The following IGF1R variants were observed in gnomAD, a reference collection of about 807,000 sequenced individuals.
IGF1R encodes the protein insulin-like growth factor 1 receptor.
Under a neutral mutation model 144.6 loss-of-function variants are expected in IGF1R, and 44 were observed. That is an observed-to-expected ratio of 0.30 (90% CI 0.24 to 0.39). The LOEUF (loss-of-function observed/expected upper bound fraction) is 0.39. Ranked by LOEUF, IGF1R falls within the 10% of genes least tolerant of loss-of-function variation. The pLI, the probability that IGF1R is intolerant of heterozygous loss-of-function variation, is 1.00. For synonymous variants in IGF1R, 795 were observed against 722.8 expected (o/e 1.10, Z -1.60); for missense variants, 1,355 against 1,833.7 (o/e 0.74, Z 4.77).
intron 2 of IGF1R, among the ~76,000 whole-genome samples, chr15:98,815,463 C>T (rs950536137): frequency 1.3e-5 from 2 of 152,214 alleles, no homozygotes; most frequent in East Asian, 1.9e-4. Context: ...TTGTGTATGC[C>T]GGGCTGGGCC....
At chr15:98,734,948 A>G (rs2054578506) in intron 2 of IGF1R, among the ~76,000 whole-genome samples, 1 of 152,116 alleles carries the variant, frequency 6.6e-6, no homozygotes, top group Non-Finnish European at 1.5e-5. Flanking sequence ...CTATCACTCT[A>G]CTTTCAGTTT....
intron 17 of IGF1R, among the ~76,000 whole-genome samples, 183 bp from the exon 18 acceptor site, chr15:98,939,018 G>A (rs1258690628): frequency 2.0e-5 from 3 of 152,170 alleles, no homozygotes; most frequent in Admixed American, 6.5e-5. Context: ...ATAAGCTTGC[G>A]GGGAGCAAGC....
At chr15:98,683,853 G>C (rs1468603220) in intron 1 of IGF1R, among the ~76,000 whole-genome samples, 1 of 152,142 alleles carries the variant, frequency 6.6e-6, no homozygotes, top group African/African-American at 2.4e-5. Flanking sequence ...AATTTTTTCT[G>C]ATCTCTAAGA....
intron 2 of IGF1R, among the ~76,000 whole-genome samples, chr15:98,708,468 T>A (rs2053919319): frequency 1.3e-5 from 2 of 152,252 alleles, no homozygotes; most frequent in African/African-American, 4.8e-5. Flanking sequence ...TGGAAGTCCC[T>A]GAGCCTTGGC....
intron 2 of IGF1R, among the ~76,000 whole-genome samples, chr15:98,774,150 C>G (rs189705183): frequency 4.5e-4 from 69 of 152,298 alleles, no homozygotes; most frequent in Non-Finnish European, 2.5e-4. Flanking sequence ...GGGGGACATT[C>G]ACTGAAGCTT....
chr15:98,917,654 A>G (rs1181153180), intron 10 of IGF1R, among the ~76,000 whole-genome samples: 1 of 152,246 alleles, frequency 6.6e-6, no homozygotes, highest in African/African-American at 2.4e-5. Context: ...CAGCCATAAA[A>G]AGGGAGGAAA....
chr15:98,711,414 C>A (rs2053989769), intron 2 of IGF1R, among the ~76,000 whole-genome samples: 2 of 152,190 alleles, frequency 1.3e-5, no homozygotes. Context: ...TAAACTCCTT[C>A]TGTGCCGTGA....
rs1463055918 is a variant in IGF1R, at chr15:98,963,339, T to TA, written c.*5899dup. ...CCCCCATGCTTTTTGCCCTAGTTTA[T>TA]AACAAAGGAATGATGATGATTTAAA... On this transcript the variant is annotated 3_prime_UTR_variant, in exon 21 of 21. Transcript: ENST00000650285. 6.4e-5 allele frequency: 15 copies of TA among 233,438 alleles called. No individual in the cohort carries two copies. Among genetic ancestry groups the TA allele is most frequent in the Non-Finnish European group, 1.0e-4 (12 of 118,012 alleles). 14.5% of individuals were successfully genotyped at this position (233,438 alleles called of 1,614,324 possible).
chr15:98,747,371 T>C (rs949714276), intron 2 of IGF1R, among the ~76,000 whole-genome samples: 2 of 152,176 alleles, frequency 1.3e-5, no homozygotes, highest in African/African-American at 4.8e-5. Flanking sequence ...TAATTTTCTG[T>C]ATTTTTAGTA....
intron 1 of IGF1R, among the ~76,000 whole-genome samples, chr15:98,703,406 G>A (rs2053784030): frequency 6.6e-6 from 1 of 152,020 alleles, no homozygotes; most frequent in Non-Finnish European, 1.5e-5. Context: ...TGTGGCTTGC[G>A]CCTCCTGAAC....
intron 5 of IGF1R, among the ~76,000 whole-genome samples, chr15:98,904,588 G>A (rs1270201045): frequency 6.6e-6 from 1 of 152,124 alleles, no homozygotes; most frequent in Non-Finnish European, 1.5e-5. Context: ...TCTGCAGAAA[G>A]GCAAAAAAGG....
intron 2 of IGF1R, chr15:98,873,999 T>A (rs938306982): frequency 6.6e-6 from 1 of 152,218 alleles, no homozygotes; most frequent in Non-Finnish European, 1.5e-5. Flanking sequence ...ATTTCGAGCA[T>A]GACTGAGCTT....
Position 98,911,375 on chromosome 15 carries a change from C to G in IGF1R, c.1523C>G (p.Thr508Ser). The change falls in exon 7 of 21, where the codon ACC becomes AGC. Residue 508 changes from threonine to serine, a missense_variant. Physicochemically the swap from Thr to Ser is moderately conservative, Grantham distance 58 (BLOSUM62 1). Around this residue, in one of 7 missense-constraint regions of IGF1R, gnomAD observed 880 missense variants for 1,202.7 expected, o/e 0.73. Transcript: ENST00000650285. ...ACGTCGAAGAATCGCATCATCATAACCTGGCACCGGTACCGGCCCCCTGAC... is the reference window on the plus strand; with the variant it reads ...ACGTCGAAGAATCGCATCATCATAAGCTGGCACCGGTACCGGCCCCCTGAC... The part of the protein sequence containing the change: ...TTTSKNRIII[T>S]WHRYRPPDYR... 6.2e-7 allele frequency: 1 copy of G among 1,614,226 alleles called. No individual in the cohort carries two copies. The highest frequency in any genetic ancestry group is 8.5e-7 in the Non-Finnish European group (1 of 1,180,034).
intron 2 of IGF1R, among the ~76,000 whole-genome samples, chr15:98,833,896 G>A (rs960353896): frequency 5.9e-5 from 9 of 152,012 alleles, no homozygotes; most frequent in African/African-American, 2.2e-4. Context: ...GCATAGTCAG[G>A]GTCCTCAAAT....
At position 98,942,433 on chromosome 15, in the gene IGF1R, A is replaced by G. The variant is rs563827481; in HGVS notation, c.3458-490A>G. ...ACTGCAGCCTCAACCTCCAGGGCTC[A>G]AGTGATTCTTCCACCTTAGCCTCCC... is the stretch of plus-strand genomic sequence containing the variant. On this transcript the variant is annotated intron_variant, in intron 18 of 20. Coordinates refer to ENST00000650285, the MANE Select transcript of IGF1R (RefSeq NM_000875.5). 7.9e-4 allele frequency among the ~76,000 whole-genome samples: 121 copies of G among 152,258 alleles called. 4 individuals carry two copies. Among genetic ancestry groups the G allele is most frequent in the South Asian group, 1.2e-3 (6 of 4,812 alleles).
intron 1 of IGF1R, among the ~76,000 whole-genome samples, chr15:98,703,943 G>A (rs2053798079): frequency 1.3e-5 from 2 of 152,154 alleles, no homozygotes; most frequent in Admixed American, 1.3e-4. Flanking sequence ...TGCTTCAAAA[G>A]TTTCAGCTTT....
At chr15:98,874,388 G>T (rs1378313391) in intron 2 of IGF1R, among the ~76,000 whole-genome samples, 9 of 152,146 alleles carry the variant, frequency 5.9e-5, no homozygotes, top group Admixed American at 5.2e-4. Context: ...GTTTTCAATA[G>T]GCAGTTTCAG....
chr15:98,752,143 A>G (rs1262016645), intron 2 of IGF1R, among the ~76,000 whole-genome samples: 1 of 152,148 alleles, frequency 6.6e-6, no homozygotes, highest in Admixed American at 6.5e-5. Flanking sequence ...GCAGTTGCTC[A>G]TTTACCCTTC....
At chr15:98,684,786 C>T (rs1341071779) in intron 1 of IGF1R, among the ~76,000 whole-genome samples, 1 of 152,110 alleles carries the variant, frequency 6.6e-6, no homozygotes, top group African/African-American at 2.4e-5. Flanking sequence ...TCTGGGCTTG[C>T]ATTCTATCCA....
Sources: gnomAD v4.1 joint callset for allele counts (sites outside exome capture counted in the v4.1 genomes callset) on GRCh38, gnomAD v4.1.1 for gene constraint, gnomAD v4.1.1 regional missense constraint, MANE v1.5 for transcripts, NCBI Gene and HGNC (gene_info 2026-07-23, HGNC 2026-07-21) for gene names.